Variants in STXBP3 observed in about 807,000 individuals in gnomAD.
STXBP3 encodes syntaxin-binding protein 3.
A neutral mutation model predicts 85.7 loss-of-function variants in STXBP3; 41 were observed. The ratio of observed to expected loss-of-function variants is 0.48; its 90% CI spans 0.37 to 0.62. The LOEUF is 0.62. Ranked by LOEUF, STXBP3 falls within the 20% of genes least tolerant of loss-of-function variation. The pLI, the probability that STXBP3 is intolerant of heterozygous loss-of-function variation, is 0.00. For synonymous variants in STXBP3, 229 were observed against 231.7 expected (o/e 0.99, Z 0.10); for missense variants, 563 against 703.1 (o/e 0.80, Z 2.25).
intron 11 of STXBP3, among the ~76,000 whole-genome samples, chr1:108,791,553 G>A (rs1318921768): frequency 1.3e-5 from 2 of 149,522 alleles, no homozygotes; most frequent in Admixed American, 6.7e-5. Flanking sequence ...TAACCTCTCC[G>A]CATTGCAACT....
chr1:108,755,022 C>G (rs1288986326), intron 3 of STXBP3, among the ~76,000 whole-genome samples: 1 of 152,060 alleles, frequency 6.6e-6, no homozygotes, highest in Non-Finnish European at 1.5e-5. Context: ...GTCAAACTTT[C>G]TGTTGTCATT....
At position 108,798,285 on chromosome 1, in the gene STXBP3, G is replaced by T. The variant is rs765446081; in HGVS notation, c.1449+48G>T. On this transcript the variant is annotated intron_variant, in intron 16 of 18. Coordinates refer to ENST00000370008, the MANE Select transcript of STXBP3 (RefSeq NM_007269.4). ...TTTCTACCTGAGTGCCCTCTTTAGA[G>T]TATTCTTTACTTTTTGTAGTTTATG... The T allele has an allele frequency of 2.1e-6, 3 of 1,444,736 alleles. No homozygotes were observed. The East Asian group carries it at 7.1e-5, about 34-fold the overall frequency. The allele number at this position is 1,444,736 out of a possible 1,614,324, so 89.5% of individuals were successfully genotyped here. A position where few individuals can be genotyped will look rare whatever the true frequency, so the allele number is the denominator to read the frequency against.
At chr1:108,752,340 A>G (rs779173007) in intron 2 of STXBP3, 34 bp downstream of exon 2, 4 of 1,593,970 alleles carry the variant, frequency 2.5e-6, no homozygotes. Flanking sequence ...TATAAAAAAT[A>G]ATACAAACTT....
At chr1:108,777,929 A>G (rs1382159063) in intron 8 of STXBP3, among the ~76,000 whole-genome samples, 2 of 152,148 alleles carry the variant, frequency 1.3e-5, no homozygotes, top group African/African-American at 4.8e-5. Flanking sequence ...GCTGTGTTTC[A>G]TAGTATGATT....
At position 108,779,367 on chromosome 1, in the gene STXBP3, G is replaced by A; in HGVS notation, c.766G>A (p.Ala256Thr). 1 of 1,612,662 alleles carries A rather than the reference G, an allele frequency of 6.2e-7. No homozygotes were observed. The highest frequency in any genetic ancestry group is 8.5e-7 in the Non-Finnish European group (1 of 1,179,206). Reference protein sequence around the residue: ...STVLHELTFQAMAYDLLPIEN... With the variant: ...STVLHELTFQTMAYDLLPIEN... ...TGTCCTGCATGAACTGACCTTTCAGGCAATGGCATATGATCTACTACCAAT... is the reference window on the plus strand; with the variant it reads ...TGTCCTGCATGAACTGACCTTTCAGACAATGGCATATGATCTACTACCAAT... Residue 256 changes from alanine (A) to threonine (T), a missense_variant, in exon 9 of 19, where the codon GCA becomes ACA. Physicochemically the swap from Ala to Thr is moderately conservative, Grantham distance 58. Around this residue, in one of 3 missense-constraint regions of STXBP3, gnomAD observed 494 missense variants for 592.8 expected, o/e 0.83. Coordinates refer to ENST00000370008, the MANE Select transcript of STXBP3 (RefSeq NM_007269.4).
chr1:108,807,257 C>CAAAAAA (rs201346701), intron 17 of STXBP3, 144 bp from the exon 18 acceptor site: 49 of 699,630 alleles, frequency 7.0e-5, no homozygotes, highest in Admixed American at 2.2e-4. Flanking sequence ...GACTCCACCT[C>CAAAAAA]AAAAAAAAAA....
At chr1:108,757,595 A>G (rs1195727897) in intron 4 of STXBP3, among the ~76,000 whole-genome samples, 5 of 152,076 alleles carry the variant, frequency 3.3e-5, no homozygotes, top group Admixed American at 1.3e-4. Context: ...ATATATATAT[A>G]TGGGTATGTA....
intron 6 of STXBP3, chr1:108,767,007 C>G (rs1252307515): frequency 6.3e-6 from 3 of 479,144 alleles, no homozygotes; most frequent in Non-Finnish European, 1.3e-5. Context: ...TTGTGTGTCA[C>G]TTTCTAACAT....
At chr1:108,755,697 CA>C (rs1295559451) in intron 3 of STXBP3, among the ~76,000 whole-genome samples, 2 of 151,998 alleles carry the variant, frequency 1.3e-5, no homozygotes, top group Non-Finnish European at 2.9e-5. Flanking sequence ...ATATGTATAG[CA>C]TGACTGTAAG....
chr1:108,746,812 G>T lies in STXBP3; in HGVS notation c.49+26G>T, dbSNP rs1474620655. The T allele has an allele frequency of 4.5e-6, 7 of 1,546,354 alleles. No individual in the cohort carries two copies. In the African/African-American group the frequency reaches 8.3e-5, roughly 18 times the overall value. On this transcript the variant is annotated intron_variant, in intron 1 of 18. Transcript: ENST00000370008. ...GTGAGTGCGGTGGGGTAGGGGTTGA[G>T]AGAGGGAAGGCCGGGAGGCTGCCGT...
intron 1 of STXBP3, among the ~76,000 whole-genome samples, chr1:108,747,579 A>AC (rs1296698435): frequency 5.3e-5 from 8 of 152,350 alleles, no homozygotes; most frequent in Non-Finnish European, 1.2e-4. Context: ...CAACAGGAAT[A>AC]ACCATCATTG....
At chr1:108,784,921 CCGTGTCTCA>C (rs1662793412) in intron 11 of STXBP3, among the ~76,000 whole-genome samples, 1 of 152,236 alleles carries the variant, frequency 6.6e-6, no homozygotes, top group African/African-American at 2.4e-5. Context: ...TCCTTTGACT[CCGTGTCTCA>C]CATCTGGGTC....
intron 18 of STXBP3, 28 bp downstream of exon 18, chr1:108,807,577 T>C (rs755975915): frequency 2.7e-6 from 1 of 377,160 alleles, no homozygotes; most frequent in Non-Finnish European, 3.9e-6. Flanking sequence ...TTCTTTTCTG[T>C]TTTTTTTTTT....
At chr1:108,786,941 A>G (rs1029111848) in intron 11 of STXBP3, among the ~76,000 whole-genome samples, 1 of 152,230 alleles carries the variant, frequency 6.6e-6, no homozygotes, top group African/African-American at 2.4e-5. Flanking sequence ...AGTTTATCTC[A>G]GCCGCATTTT....
At chr1:108,766,523 T>TA (rs1662266426) in intron 6 of STXBP3, among the ~76,000 whole-genome samples, 1 of 152,150 alleles carries the variant, frequency 6.6e-6, no homozygotes, top group Admixed American at 6.5e-5. Flanking sequence ...GGAATCAAGA[T>TA]ACTAAAAGAT....
chr1:108,793,031 A>G (rs1409337152), intron 11 of STXBP3, among the ~76,000 whole-genome samples: 1 of 152,066 alleles, frequency 6.6e-6, no homozygotes, highest in East Asian at 1.9e-4. Flanking sequence ...TATGCCCTGT[A>G]CATGTGCAGC....
intron 9 of STXBP3, chr1:108,780,118 AAATG>A (rs1662684976): frequency 2.0e-5 from 3 of 152,172 alleles, no homozygotes; most frequent in African/African-American, 4.8e-5. Context: ...ACAGTAATAA[AAATG>A]AAAATAGTTT....
chr1:108,751,535 T>C lies in STXBP3; in HGVS notation c.50-722T>C, dbSNP rs6666708. On this transcript the variant is annotated intron_variant, in intron 1 of 18. Transcript: ENST00000370008. ...TTTAATGAAAAATAGGTTACTATAA[T>C]TTATATTTTAATTATATTTTATGTA... Among the ~76,000 whole-genome samples, 217 of 152,088 alleles carry C rather than the reference T, an allele frequency of 1.4e-3. 1 individual carries two copies. Among genetic ancestry groups the C allele is most frequent in the African/African-American group, 5.1e-3 (210 of 41,568 alleles).
intron 3 of STXBP3, among the ~76,000 whole-genome samples, chr1:108,753,480 A>G (rs1470864133): frequency 1.3e-5 from 2 of 152,038 alleles, no homozygotes; most frequent in Admixed American, 6.6e-5. Context: ...TTATGGTTTC[A>G]TATATCGCTT....
Sources: allele counts gnomAD v4.1 joint callset (sites outside exome capture counted in the v4.1 genomes callset), GRCh38; gene constraint gnomAD v4.1.1; regional missense constraint gnomAD v4.1.1; transcripts MANE v1.5; gene names NCBI Gene and HGNC (gene_info 2026-07-23, HGNC 2026-07-21).